The following PIK3CG variants were observed in gnomAD, a reference collection of about 807,000 sequenced individuals.
PIK3CG encodes the protein phosphatidylinositol-4,5-bisphosphate 3-kinase catalytic subunit gamma.
PIK3CG carries 55 observed loss-of-function variants against 102.3 expected under a neutral mutation model. The ratio of observed to expected loss-of-function variants is 0.54; its 90% CI spans 0.43 to 0.67. The LOEUF is 0.67. Among genes scored for constraint, PIK3CG ranks in the 30% least tolerant of loss-of-function variants. The pLI, the probability that PIK3CG is intolerant of heterozygous loss-of-function variation, is 0.00. For missense variants in PIK3CG, 1,258 were observed against 1,391.8 expected, an observed-to-expected ratio of 0.90 and a Z score of 1.53; for synonymous variants, 552 against 540.0, an observed-to-expected ratio of 1.02 and a Z score of -0.31.
In PIK3CG at chr7:106,894,622, T is replaced by C. The variant is rs849407; in HGVS notation, c.3030+8330T>C. 0.2 allele frequency among the ~76,000 whole-genome samples: 30,023 copies of C among 152,086 alleles called. 3,595 individuals carry two copies. The highest frequency in any genetic ancestry group is 0.33 in the African/African-American group (13,800 of 41,462). ...ATTGATTTTTATTAAAAAAACAAAA[T>C]AACAAAATAAAATTCTCTGCCTTTG... On this transcript the variant is annotated intron_variant, in intron 10 of 10. Coordinates refer to ENST00000496166, the MANE Select transcript of PIK3CG (RefSeq NM_001282426.2). This position sits in a 1 kb window ranked among gnomAD's most constrained non-coding sequence, Gnocchi z 4.4.
intron 10 of PIK3CG, among the ~76,000 whole-genome samples, chr7:106,898,772 G>T (rs578100651): frequency 5.3e-5 from 8 of 152,112 alleles, no homozygotes; most frequent in African/African-American, 1.9e-4. Context: ...TGCTGTTTTT[G>T]TAGCCTTGTA....
Position 106,868,016 on chromosome 7 carries a change from G to T in PIK3CG, c.455G>T (p.Arg152Leu), listed in dbSNP as rs762164881. 2 of 1,611,842 alleles carry T rather than the reference G, an allele frequency of 1.2e-6. No individual in the cohort carries two copies. The highest frequency in any genetic ancestry group is 2.2e-5 in the East Asian group (1 of 44,800). ...TCCGAGGAGTCCCAAGCCTTCCAGC[G>T]GCAGCTCACGGCGCTGATTGGCTAT... ...PPSEESQAFQ[R>L]QLTALIGYDV... is the part of the protein sequence containing the mutation. The change falls in exon 2 of 11, where the codon CGG (arginine) becomes CTG (leucine). Residue 152 changes from arginine (R) to leucine (L), a missense_variant. By Grantham distance (102) the Arg-to-Leu change is moderately radical. Coordinates refer to ENST00000496166, the MANE Select transcript of PIK3CG (RefSeq NM_001282426.2). The surrounding 1 kb of genome is among the most constrained non-coding windows in gnomAD (Gnocchi z 6.2).
rs534703226 is a variant in PIK3CG at position 106,903,834 on chromosome 7, C to T, written c.3031-1275C>T. On this transcript the variant is annotated intron_variant, in intron 10 of 10. Transcript: ENST00000496166. The surrounding 1 kb of genome is among the most constrained non-coding windows in gnomAD (Gnocchi z 4.3). Reference sequence around the variant, plus strand: ...AGTGCAGTGGAGTGATCTCAGCTCACTGCAACCTCTACCTCCCAGGTTCAA... The same window carrying T: ...AGTGCAGTGGAGTGATCTCAGCTCATTGCAACCTCTACCTCCCAGGTTCAA... 1.6e-4 allele frequency among the ~76,000 whole-genome samples: 25 copies of T among 152,180 alleles called. No individual in the cohort carries two copies. Among genetic ancestry groups the T allele is most frequent in the Non-Finnish European group, 3.4e-4 (23 of 68,008 alleles).
intron 7 of PIK3CG, 83 bp downstream of exon 7, chr7:106,882,290 C>A: frequency 8.7e-6 from 5 of 574,568 alleles, no homozygotes; most frequent in Non-Finnish European, 1.5e-5. Context: ...CATTTAATAA[C>A]TGAAAAATCA....
In PIK3CG at chr7:106,867,624, G is replaced by A. The variant is rs2116417414; in HGVS notation, c.63G>A (p.Arg21=). 5 of 1,611,768 alleles carry A rather than the reference G, an allele frequency of 3.1e-6. No homozygotes were observed. Among genetic ancestry groups the A allele is most frequent in the East Asian group, 2.2e-5 (1 of 44,848 alleles). Residue 21 remains arginine (R), a synonymous_variant, in exon 2 of 11, where the codon CGG becomes CGA. Coordinates refer to ENST00000496166, the MANE Select transcript of PIK3CG (RefSeq NM_001282426.2). This position sits in a 1 kb window ranked among gnomAD's most constrained non-coding sequence, Gnocchi z 5.1. The stretch of plus-strand genomic sequence containing the variant: ...GAGAGGACAACTGCCGAAGGCGCCG[G>A]AGGATGAAGCCGCGCAGTGCTGCGG... ...VLREDNCRRR[R]RMKPRSAAAS... is the part of the protein sequence containing the mutation.
At position 106,907,487 on chromosome 7, in the gene PIK3CG, A is replaced by C. The variant is rs1405127356; in HGVS notation, c.*2100A>C. Among the ~76,000 whole-genome samples, 1 of 152,084 alleles carries C rather than the reference A, an allele frequency of 6.6e-6. No individual in the cohort carries two copies. Among genetic ancestry groups the C allele is most frequent in the African/African-American group, 2.4e-5 (1 of 41,430 alleles). On this transcript the variant is annotated 3_prime_UTR_variant, in exon 11 of 11. Transcript: ENST00000496166. ...GGCACTTCTGGACCAACTATTCCCT[A>C]CTATTCTTTTGAAGAAAGGCAGGAA...
At chr7:106,875,124 G>A (rs1283900570) in intron 5 of PIK3CG, among the ~76,000 whole-genome samples, 2 of 152,150 alleles carry the variant, frequency 1.3e-5, no homozygotes, top group Non-Finnish European at 2.9e-5. Flanking sequence ...GCCGAGGCAG[G>A]CAGATCACGA....
In PIK3CG at chr7:106,877,439, C is replaced by A. The variant is rs1225401657; in HGVS notation, c.2392-2080C>A. On this transcript the variant is annotated intron_variant, in intron 5 of 10. Coordinates refer to ENST00000496166, the MANE Select transcript of PIK3CG (RefSeq NM_001282426.2). This position sits in a 1 kb window ranked among gnomAD's most constrained non-coding sequence, Gnocchi z 4.5. Reference sequence around the variant, plus strand: ...GCAACAGTGCCAAGGTTAAGAAATTCTGGTTTAACTCAATGTGGCAGATAT... The same window carrying A: ...GCAACAGTGCCAAGGTTAAGAAATTATGGTTTAACTCAATGTGGCAGATAT... 1.3e-5 allele frequency among the ~76,000 whole-genome samples: 2 copies of A among 152,128 alleles called. No individual in the cohort carries two copies. The highest frequency in any genetic ancestry group is 2.9e-5 in the Non-Finnish European group (2 of 68,032).
At chr7:106,878,199 T>A (rs1358904632) in intron 5 of PIK3CG, among the ~76,000 whole-genome samples, 1 of 152,230 alleles carries the variant, frequency 6.6e-6, no homozygotes, top group Admixed American at 6.5e-5. Context: ...GTAACATTTT[T>A]TTCTGGCTTG....
At chr7:106,866,786 A>G (rs1790299436) in intron 1 of PIK3CG, among the ~76,000 whole-genome samples, 2 of 152,222 alleles carry the variant, frequency 1.3e-5, no homozygotes, top group Non-Finnish European at 2.9e-5. Flanking sequence ...TTTTGACTGT[A>G]ACTTTACTAA....
intron 10 of PIK3CG, among the ~76,000 whole-genome samples, chr7:106,896,143 C>T (rs756537647): frequency 3.3e-5 from 5 of 152,194 alleles, no homozygotes; most frequent in African/African-American, 9.6e-5. Flanking sequence ...AAATAGCCTT[C>T]GAGAAAAGCA....
At chr7:106,898,011 T>G (rs1415486754) in intron 10 of PIK3CG, among the ~76,000 whole-genome samples, 1 of 152,214 alleles carries the variant, frequency 6.6e-6, no homozygotes, top group Non-Finnish European at 1.5e-5. Context: ...AATGTATAAG[T>G]GTTCCTTTTT....
chr7:106,873,061 A>G (rs549561100), intron 4 of PIK3CG, 123 bp downstream of exon 4: 1 of 691,188 alleles, frequency 1.4e-6, no homozygotes, highest in Admixed American at 3.0e-5. Flanking sequence ...CCAAGAACAC[A>G]TTTTTGAGTT....
At chr7:106,866,225 T>C (rs1016799538) in intron 1 of PIK3CG, among the ~76,000 whole-genome samples, 3 of 152,256 alleles carry the variant, frequency 2.0e-5, no homozygotes, top group Admixed American at 6.5e-5. Context: ...GAGTAAACGA[T>C]ATTTTCTGAA....
chr7:106,869,672 C>G lies in PIK3CG; in HGVS notation c.1995+116C>G. On this transcript the variant is annotated intron_variant, in intron 2 of 10. Transcript: ENST00000496166. This position sits in a 1 kb window ranked among gnomAD's most constrained non-coding sequence, Gnocchi z 5.3. ...CCTTTGTTCAGAGCTTCATCATCGG[C>G]AAAAGTAGATATGATGAAGCTGCCT... The G allele has an allele frequency of 1.2e-6, 1 of 829,660 alleles. No homozygotes were observed. Among genetic ancestry groups the G allele is most frequent in the Non-Finnish European group, 1.9e-6 (1 of 537,324 alleles). The allele number at this position is 829,660 out of a possible 1,614,324, so 51.4% of individuals were successfully genotyped here.
rs1791720591 is a variant in PIK3CG, at chr7:106,907,663, T to G, written c.*2276T>G. ...AGAGAGGAATACATTTATATTTAGC[T>G]TATTGGCACATGTGCATACATATTT... On this transcript the variant is annotated 3_prime_UTR_variant, in exon 11 of 11. Transcript: ENST00000496166. Among the ~76,000 whole-genome samples the G allele has an allele frequency of 6.6e-6, 1 of 151,156 alleles. No homozygotes were observed.
rs369002824 is a variant in PIK3CG at position 106,895,780 on chromosome 7, C to T, written c.3031-9329C>T. 6.6e-6 allele frequency among the ~76,000 whole-genome samples: 1 copy of T among 152,346 alleles called. No individual in the cohort carries two copies. The highest frequency in any genetic ancestry group is 1.9e-4 in the East Asian group (1 of 5,190). ...TAGCACTTAAATCTCACCACAACAA[C>T]ATGAAATGGGTATCATTCTTATTAT... On this transcript the variant is annotated intron_variant, in intron 10 of 10. Transcript: ENST00000496166. This position sits in a 1 kb window ranked among gnomAD's most constrained non-coding sequence, Gnocchi z 5.4.
rs766223093 is a variant in PIK3CG, at chr7:106,868,833, C to T, written c.1272C>T (p.Pro424=). The part of the protein sequence containing the change: ...LEFSIKIKDL[P]KGALLNLQIY... ...TCAGTATCAAAATCAAAGACTTGCC[C>T]AAAGGGGCTCTACTGAACCTCCAGA... The change falls in exon 2 of 11, where the codon CCC becomes CCT. Residue 424 remains proline (P), a synonymous_variant. Coordinates refer to ENST00000496166, the MANE Select transcript of PIK3CG (RefSeq NM_001282426.2). The surrounding 1 kb of genome is among the most constrained non-coding windows in gnomAD (Gnocchi z 6.2). 3.7e-6 allele frequency: 6 copies of T among 1,614,156 alleles called. No homozygotes were observed. Among genetic ancestry groups the T allele is most frequent in the Non-Finnish European group, 5.1e-6 (6 of 1,180,034 alleles).
At chr7:106,901,549 CTG>C (rs1273385169) in intron 10 of PIK3CG, among the ~76,000 whole-genome samples, 2 of 152,274 alleles carry the variant, frequency 1.3e-5, no homozygotes, top group African/African-American at 4.8e-5. Context: ...ATTCTGAATT[CTG>C]TGTCTGTCAT....
Sources: allele counts gnomAD v4.1 joint callset (sites outside exome capture counted in the v4.1 genomes callset), GRCh38; gene constraint gnomAD v4.1.1; non-coding constraint Gnocchi (gnomAD v3.1); transcripts MANE v1.5; gene names NCBI Gene and HGNC (gene_info 2026-07-23, HGNC 2026-07-21).